SLC5A10: variants seen among roughly 807,000 people sequenced by gnomAD.
SLC5A10 encodes the protein solute carrier family 5 member 10, also known as sodium/mannose cotransporter SLC5A10.
A neutral mutation model predicts 68.9 loss-of-function variants in SLC5A10; 55 were observed. The ratio of observed to expected loss-of-function variants is 0.80; its 90% CI spans 0.64 to 1.00. SLC5A10 has a LOEUF of 1.00. Ranked by LOEUF, SLC5A10 falls within the 50% of genes least tolerant of loss-of-function variation. The probability of loss-of-function intolerance (pLI) is 0.00; values close to 1 mark genes in which losing one functional copy is unlikely to be tolerated. For synonymous variants in SLC5A10, 344 were observed against 344.8 expected (o/e 1.00, Z 0.02); for missense variants, 732 against 819.3 (o/e 0.89, Z 1.30).
At chr17:18,977,448 A>T (rs1027344497) in intron 9 of SLC5A10, 3 of 896,258 alleles carry the variant, frequency 3.3e-6, no homozygotes, top group African/African-American at 1.7e-5. Context: ...CTGTTCATCA[A>T]GTTTCCCCAT....
chr17:18,952,317 G>T lies in SLC5A10; in HGVS notation c.111+1G>T, dbSNP rs1339877201. ...TCTGAATGTGGCCGTGGGCATATGG[G>T]TAAGGGGACCTGTGGTGGTGTTGGC... On this transcript the variant is annotated splice_donor_variant, in intron 1 of 14. Coordinates refer to ENST00000395645, the MANE Select transcript of SLC5A10 (RefSeq NM_001042450.4). LOFTEE classifies it high-confidence loss of function. The T allele has an allele frequency of 6.2e-7, 1 of 1,611,000 alleles. No homozygotes were observed. The highest frequency in any genetic ancestry group is 8.5e-7 in the Non-Finnish European group (1 of 1,178,458).
At position 18,963,856 on chromosome 17, in the gene SLC5A10, C is replaced by T. The variant is rs552980095; in HGVS notation, c.453+3204C>T. On this transcript the variant is annotated intron_variant, in intron 5 of 14. Transcript: ENST00000395645. ...GTCATTTAACCTCTGGAACTGGGCA[C>T]GATGCCCCATGCCACTTGCAGTAAA... Among the ~76,000 whole-genome samples, 12 of 152,346 alleles carry T rather than the reference C, an allele frequency of 7.9e-5. No individual in the cohort carries two copies. In the South Asian group the frequency reaches 1.7e-3, roughly 21 times the overall value.
intron 5 of SLC5A10, among the ~76,000 whole-genome samples, chr17:18,966,861 T>A (rs995412120): frequency 7.0e-6 from 1 of 142,130 alleles, no homozygotes; most frequent in African/African-American, 2.7e-5. Context: ...CGTGCCAGGG[T>A]GAGGGGGTAG....
chr17:19,010,303 C>A (rs1224121856), intron 9 of SLC5A10, among the ~76,000 whole-genome samples: 1 of 152,104 alleles, frequency 6.6e-6, no homozygotes, highest in Non-Finnish European at 1.5e-5. Flanking sequence ...GAGGGGCAAC[C>A]CCTGGCTTCT....
intron 9 of SLC5A10, among the ~76,000 whole-genome samples, chr17:19,007,370 G>A (rs1053101397): frequency 6.6e-6 from 1 of 152,096 alleles, no homozygotes; most frequent in East Asian, 1.9e-4. Context: ...TAAATGGATT[G>A]TCTATTTTTT....
chr17:18,976,336 C>T (rs2472717), intron 8 of SLC5A10: 65,917 of 152,498 alleles, frequency 0.43, 15,640 homozygotes, highest in Admixed American at 0.54. Context: ...CCAGAAGGGC[C>T]GGTGTCCTCA....
At chr17:18,964,177 T>C (rs1396777058) in intron 5 of SLC5A10, among the ~76,000 whole-genome samples, 1 of 152,186 alleles carries the variant, frequency 6.6e-6, no homozygotes, top group Admixed American at 6.5e-5. Flanking sequence ...GCTGGCTGTG[T>C]GCTCCGTTGG....
intron 9 of SLC5A10, chr17:18,978,765 G>A (rs1175150248): frequency 6.2e-7 from 1 of 1,612,946 alleles, no homozygotes; most frequent in Non-Finnish European, 8.5e-7. Flanking sequence ...TACAGCTCCT[G>A]GAACTGCCGG....
chr17:18,983,523 A>G (rs1399067063), intron 9 of SLC5A10, among the ~76,000 whole-genome samples: 2 of 152,202 alleles, frequency 1.3e-5, no homozygotes, highest in Non-Finnish European at 2.9e-5. Context: ...GGCCCGGTAG[A>G]GCAGTGGGGA....
intron 9 of SLC5A10, among the ~76,000 whole-genome samples, chr17:19,012,329 AG>A (rs2044032109): frequency 6.6e-6 from 1 of 152,224 alleles, no homozygotes; most frequent in South Asian, 2.1e-4. Flanking sequence ...CAGGAGGCCG[AG>A]GGATGCCTGG....
chr17:18,992,945 C>T (rs1251051940), intron 9 of SLC5A10, among the ~76,000 whole-genome samples: 1 of 152,186 alleles, frequency 6.6e-6, no homozygotes, highest in Non-Finnish European at 1.5e-5. Context: ...CTCCTGACAC[C>T]CACAACAGCT....
At chr17:19,019,653 G>GT (rs1447078158) in intron 12 of SLC5A10, 60 bp from the exon 13 acceptor site, 97 of 1,602,894 alleles carry the variant, frequency 6.1e-5, no homozygotes, top group Non-Finnish European at 7.9e-5. Flanking sequence ...CCTGCTGCCT[G>GT]TGGGGGGAGC....
Position 19,021,774 on chromosome 17 carries a change from C to T in SLC5A10, c.*1343C>T, listed in dbSNP as rs1431563218. Reference sequence around the variant, plus strand: ...CCCCGGAGCTACCCTTGCTGGGTACCCTTGCTGGGGGACCTGGGCCATCCC... The same window carrying T: ...CCCCGGAGCTACCCTTGCTGGGTACTCTTGCTGGGGGACCTGGGCCATCCC... On this transcript the variant is annotated 3_prime_UTR_variant, in exon 15 of 15. Coordinates refer to ENST00000395645, the MANE Select transcript of SLC5A10 (RefSeq NM_001042450.4). The surrounding 1 kb of genome is among the most constrained non-coding windows in gnomAD (Gnocchi z 4.1). 5 of 488,376 alleles carry T rather than the reference C, an allele frequency of 1.0e-5. No homozygotes were observed. Among genetic ancestry groups the T allele is most frequent in the African/African-American group, 2.0e-5 (1 of 50,218 alleles). The allele number at this position is 488,376 out of a possible 1,614,324, so 30.3% of individuals were successfully genotyped here.
chr17:18,966,097 G>C (rs189741704), intron 5 of SLC5A10, among the ~76,000 whole-genome samples: 8 of 152,256 alleles, frequency 5.3e-5, no homozygotes, highest in Non-Finnish European at 1.2e-4. Flanking sequence ...GGGCCGTGAA[G>C]CACTGGCAGG....
At chr17:18,973,784 G>A (rs1433554372) in intron 8 of SLC5A10, among the ~76,000 whole-genome samples, 3 of 152,036 alleles carry the variant, frequency 2.0e-5, no homozygotes, top group East Asian at 3.9e-4. Context: ...TGCAACCTCC[G>A]CCTCCTGGGT....
intron 9 of SLC5A10, among the ~76,000 whole-genome samples, chr17:18,992,953 G>A (rs1438666056): frequency 2.0e-5 from 3 of 152,214 alleles, no homozygotes; most frequent in Non-Finnish European, 4.4e-5. Flanking sequence ...ACCCACAACA[G>A]CTGTTTCCTA....
rs1250081723 is a variant in SLC5A10 at position 19,003,203 on chromosome 17, T to C, written c.983-10207T>C. Among the ~76,000 whole-genome samples the C allele has an allele frequency of 6.7e-6, 1 of 148,236 alleles. No individual in the cohort carries two copies. The highest frequency in any genetic ancestry group is 1.5e-5 in the Non-Finnish European group (1 of 67,034). Reference sequence around the variant, plus strand: ...GGGAGAGTGAGAGGAAGCCCTGGGGTTCCTCCCCTCCCCACTCCACCCTAT... The same window carrying C: ...GGGAGAGTGAGAGGAAGCCCTGGGGCTCCTCCCCTCCCCACTCCACCCTAT... On this transcript the variant is annotated intron_variant, in intron 9 of 14. Transcript: ENST00000395645. This position sits in a 1 kb window ranked among gnomAD's most constrained non-coding sequence, Gnocchi z 4.5.
chr17:19,011,969 A>G (rs2044024209), intron 9 of SLC5A10, among the ~76,000 whole-genome samples: 1 of 151,968 alleles, frequency 6.6e-6, no homozygotes, highest in Admixed American at 6.6e-5. Flanking sequence ...AGAAGTGTCA[A>G]TGCCAGCCGC....
At chr17:18,998,135 G>T (rs2043614875) in intron 9 of SLC5A10, among the ~76,000 whole-genome samples, 1 of 152,234 alleles carries the variant, frequency 6.6e-6, no homozygotes, top group Non-Finnish European at 1.5e-5. Context: ...CCCTTAAAGG[G>T]GACTAGGACA....
Sources: allele counts gnomAD v4.1 joint callset (sites outside exome capture counted in the v4.1 genomes callset), GRCh38; gene constraint gnomAD v4.1.1; non-coding constraint Gnocchi (gnomAD v3.1); transcripts MANE v1.5; gene names NCBI Gene and HGNC (gene_info 2026-07-23, HGNC 2026-07-21).